Variants in ACAP2 observed in about 807,000 individuals in gnomAD.
ACAP2 encodes ArfGAP with coiled-coil, ankyrin repeat and PH domains 2, also known as arf-GAP with coiled-coil, ANK repeat and PH domain-containing protein 2.
A neutral mutation model predicts 115.8 loss-of-function variants in ACAP2; 39 were observed. That is an observed-to-expected ratio of 0.34 (90% CI 0.26 to 0.44). The LOEUF (loss-of-function observed/expected upper bound fraction) is 0.44, where lower values mean the gene tolerates loss of function less well. Ranked by LOEUF, ACAP2 falls within the 20% of genes least tolerant of loss-of-function variation. The probability of loss-of-function intolerance (pLI) is 1.00; values close to 1 mark genes in which losing one functional copy is unlikely to be tolerated. For synonymous variants in ACAP2, 289 were observed against 315.8 expected, an observed-to-expected ratio of 0.92 and a Z score of 0.90; for missense variants, 662 against 927.6, an observed-to-expected ratio of 0.71 and a Z score of 3.72.
At chr3:195,359,499 G>A (rs1202202352) in intron 4 of ACAP2, among the ~76,000 whole-genome samples, 4 of 152,130 alleles carry the variant, frequency 2.6e-5, no homozygotes, top group Non-Finnish European at 4.4e-5. Flanking sequence ...ACAGAGTCTC[G>A]CTCTGTCACC....
At chr3:195,308,476 G>A (rs905347842) in intron 11 of ACAP2, among the ~76,000 whole-genome samples, 3 of 152,108 alleles carry the variant, frequency 2.0e-5, no homozygotes, top group Admixed American at 6.5e-5. Context: ...AATAGCACAT[G>A]TACCACAAAA....
intron 1 of ACAP2, among the ~76,000 whole-genome samples, chr3:195,424,275 ATATATATATTTTTTTTTTTT>A (rs1714459335): frequency 3.8e-5 from 2 of 52,804 alleles, no homozygotes. Flanking sequence ...ATATATATAT[ATATATATATTTTTTTTTTTT>A]TTTTTTTTTT....
intron 4 of ACAP2, among the ~76,000 whole-genome samples, chr3:195,353,997 C>T (rs1731787571): frequency 6.6e-6 from 1 of 152,148 alleles, no homozygotes; most frequent in South Asian, 2.1e-4. Flanking sequence ...CTCCTACCCT[C>T]CCACTCCAAT....
intron 22 of ACAP2, chr3:195,282,629 C>T (rs1726579527): frequency 6.6e-6 from 1 of 152,198 alleles, no homozygotes. Context: ...CATTGGAACA[C>T]ATAAACAACA....
intron 15 of ACAP2, 45 bp downstream of exon 15, chr3:195,301,520 AATCTTCACTT>A: frequency 7.5e-7 from 1 of 1,341,978 alleles, no homozygotes; most frequent in East Asian, 2.3e-5. Flanking sequence ...AAGATTCTAA[AATCTTCACTT>A]TCATGTGAAA....
At chr3:195,377,138 CT>C (rs749352761) in intron 4 of ACAP2, among the ~76,000 whole-genome samples, 870 of 77,066 alleles carry the variant, frequency 0.011, 4 homozygotes, top group Admixed American at 0.03. Context: ...GAATGTAAAT[CT>C]TTTTTTTTTT....
At chr3:195,339,793 A>G (rs1730751029) in intron 6 of ACAP2, among the ~76,000 whole-genome samples, 1 of 152,066 alleles carries the variant, frequency 6.6e-6, no homozygotes, top group Non-Finnish European at 1.5e-5. Context: ...AAAATAATGA[A>G]AATTTTAGCT....
chr3:195,327,592 G>A (rs1048955431), intron 8 of ACAP2, among the ~76,000 whole-genome samples: 1 of 151,980 alleles, frequency 6.6e-6, no homozygotes, highest in Non-Finnish European at 1.5e-5. Context: ...GTAGGAAATC[G>A]GCAATTCTTA....
chr3:195,342,539 C>T lies in ACAP2; in HGVS notation c.460G>A (p.Glu154Lys). 1 of 1,612,916 alleles carries T rather than the reference C, an allele frequency of 6.2e-7. No homozygotes were observed. The highest frequency in any genetic ancestry group is 8.5e-7 in the Non-Finnish European group (1 of 1,179,732). ...GTTGCTGTCAGAATGTTGGTGGCTT[C>T]TTCAACTTCATGTTGTTTGTTTCTT... ...VQRNKQHEVE[E>K]ATNILTATRK... Residue 154 changes from glutamate (E) to lysine (K), a missense_variant, in exon 6 of 23, where the codon GAA becomes AAA. Coordinates refer to ENST00000326793, the MANE Select transcript of ACAP2 (RefSeq NM_012287.6).
chr3:195,384,751 C>T (rs1196979578), intron 2 of ACAP2, among the ~76,000 whole-genome samples: 4 of 151,716 alleles, frequency 2.6e-5, no homozygotes, highest in South Asian at 4.2e-4. Flanking sequence ...TGCACAAGGG[C>T]GCAAGAGAAA....
rs115850790 is a variant in ACAP2, at chr3:195,408,535, G to A, written c.54-16388C>T. On this transcript the variant is annotated intron_variant, in intron 1 of 22. Coordinates refer to ENST00000326793, the MANE Select transcript of ACAP2 (RefSeq NM_012287.6). The stretch of plus-strand genomic sequence containing the variant: ...CAAATTCTACCAAGCATTTAAAGAC[G>A]AACTTACACCAACCCTTCTCAGACT... 2.2e-3 allele frequency among the ~76,000 whole-genome samples: 330 copies of A among 152,194 alleles called. 1 individual carries two copies. Among genetic ancestry groups the A allele is most frequent in the Middle Eastern group, 0.017 (5 of 294 alleles).
intron 4 of ACAP2, among the ~76,000 whole-genome samples, chr3:195,353,229 G>A (rs1457051493): frequency 6.6e-6 from 1 of 152,136 alleles, no homozygotes; most frequent in Non-Finnish European, 1.5e-5. Context: ...AGAGACTGAG[G>A]CAATCTCATG....
At chr3:195,335,309 G>C (rs965592118) in intron 7 of ACAP2, among the ~76,000 whole-genome samples, 1 of 151,940 alleles carries the variant, frequency 6.6e-6, no homozygotes, top group Non-Finnish European at 1.5e-5. Flanking sequence ...ATATTCAGGT[G>C]GTAGAATTCT....
In ACAP2 at chr3:195,277,696, C is replaced by T. The variant is rs1577221346; in HGVS notation, c.*1632G>A. ...ATAAAGTTTTTATATATTTTAAAACCTCTTATTTAGAAAGAGTATCAATAA... is the reference window on the plus strand; with the variant it reads ...ATAAAGTTTTTATATATTTTAAAACTTCTTATTTAGAAAGAGTATCAATAA... On this transcript the variant is annotated 3_prime_UTR_variant, in exon 23 of 23. Coordinates refer to ENST00000326793, the MANE Select transcript of ACAP2 (RefSeq NM_012287.6). The T allele has an allele frequency of 6.6e-6, 1 of 152,108 alleles. No individual in the cohort carries two copies. Among genetic ancestry groups the T allele is most frequent in the East Asian group, 1.9e-4 (1 of 5,190 alleles). 9.4% of individuals were successfully genotyped at this position (152,108 alleles called of 1,614,324 possible).
intron 1 of ACAP2, among the ~76,000 whole-genome samples, chr3:195,436,353 C>G (rs1715542966): frequency 6.6e-6 from 1 of 151,726 alleles, no homozygotes; most frequent in Admixed American, 6.6e-5. Context: ...AGCCTGGTCT[C>G]GAACTCAAGA....
At chr3:195,393,095 G>A (rs1734784214) in intron 1 of ACAP2, among the ~76,000 whole-genome samples, 1 of 152,134 alleles carries the variant, frequency 6.6e-6, no homozygotes, top group Admixed American at 6.5e-5. Flanking sequence ...CCAGCACTTT[G>A]GGAGGCTGAG....
At chr3:195,433,158 C>T (rs1486528532) in intron 1 of ACAP2, among the ~76,000 whole-genome samples, 2 of 152,122 alleles carry the variant, frequency 1.3e-5, no homozygotes, top group African/African-American at 4.8e-5. Context: ...TATAAAATGG[C>T]ACTGTATTTG....
Position 195,301,601 on chromosome 3 carries a change from C to T in ACAP2, c.1369G>A (p.Asp457Asn). The change falls in exon 15 of 23, where the codon GAC becomes AAC. Residue 457 changes from aspartate to asparagine, a missense_variant. Asp to Asn is a conservative substitution (Grantham distance 23). Transcript: ENST00000326793. ...TTTAAAAGTTCTGGCTCCCAGGTGT[C>T]TAAAGTTAAAGATCGTACTTTTGAA... ...HFSKVRSLTLDTWEPELLKLM... is the reference protein window; with the variant it reads ...HFSKVRSLTLNTWEPELLKLM... The T allele has an allele frequency of 6.2e-7, 1 of 1,613,258 alleles. No homozygotes were observed. Among genetic ancestry groups the T allele is most frequent in the Non-Finnish European group, 8.5e-7 (1 of 1,179,844 alleles).
chr3:195,290,767 C>A (rs1052115731), intron 20 of ACAP2, among the ~76,000 whole-genome samples: 3 of 151,526 alleles, frequency 2.0e-5, no homozygotes, highest in South Asian at 4.2e-4. Context: ...GAGCTGAGAT[C>A]GTGCTACTGC....
Sources: allele counts gnomAD v4.1 joint callset (sites outside exome capture counted in the v4.1 genomes callset), GRCh38; gene constraint gnomAD v4.1.1; transcripts MANE v1.5; gene names NCBI Gene and HGNC (gene_info 2026-07-23, HGNC 2026-07-21).